Variants in ITGA2B observed in about 807,000 individuals in gnomAD.
ITGA2B encodes the protein integrin alpha-IIb.
A neutral mutation model predicts 142.0 loss-of-function variants in ITGA2B; 91 were observed. The observed-to-expected ratio is 0.64, with a 90% CI of 0.54 to 0.76. ITGA2B has a LOEUF of 0.76. Ranked by LOEUF, ITGA2B falls within the 30% of genes least tolerant of loss-of-function variation. The pLI is 0.00. For synonymous variants in ITGA2B, 536 were observed against 567.2 expected (o/e 0.94, Z 0.78); for missense variants, 1,231 against 1,350.8 (o/e 0.91, Z 1.39).
chr17:44,388,351 CTT>C (rs35720866), intron 1 of ITGA2B, among the ~76,000 whole-genome samples: 55 of 97,338 alleles, frequency 5.7e-4, no homozygotes, highest in African/African-American at 9.2e-4. Context: ...CATTTCCTTT[CTT>C]TTTTTTTTTT....
intron 18 of ITGA2B, 76 bp from the exon 19 acceptor site, chr17:44,378,786 C>T (rs2048568100): frequency 7.2e-7 from 1 of 1,386,606 alleles, no homozygotes; most frequent in African/African-American, 1.4e-5. Context: ...GTTAGGAAAA[C>T]AGTGGGCTTG....
chr17:44,376,033 G>A (rs370774794), intron 24 of ITGA2B, 48 bp from the exon 25 acceptor site: 20 of 1,613,942 alleles, frequency 1.2e-5, no homozygotes, highest in African/African-American at 8.0e-5. Context: ...CGCCTCACCC[G>A]GAGTTCTGAG....
chr17:44,374,715 C>G lies in ITGA2B; in HGVS notation c.2887G>C (p.Val963Leu). ...FVLQSHAWFN[V>L]SSLPYAVPPL... The stretch of plus-strand genomic sequence containing the variant: ...GGCACCGCATAGGGGAGGGAGGACA[C>G]GTTGAACCATGCGTGCGACTGCAGC... The change falls in exon 28 of 30, where the codon GTG (valine) becomes CTG (leucine). Residue 963 changes from valine to leucine, a missense_variant. Around this residue, in one of 3 missense-constraint regions of ITGA2B, gnomAD observed 908 missense variants for 1,021.1 expected, o/e 0.89. Coordinates refer to ENST00000262407, the MANE Select transcript of ITGA2B (RefSeq NM_000419.5). The G allele has an allele frequency of 6.2e-7, 1 of 1,614,108 alleles. No homozygotes were observed. Among genetic ancestry groups the G allele is most frequent in the East Asian group, 2.2e-5 (1 of 44,876 alleles).
At chr17:44,385,430 C>G (rs1432226709) in intron 4 of ITGA2B, 95 bp from the exon 5 acceptor site, 22 of 1,499,868 alleles carry the variant, frequency 1.5e-5, no homozygotes, top group Non-Finnish European at 1.9e-5. Flanking sequence ...GGCCTTGAGT[C>G]GGCGGGGCCC....
intron 18 of ITGA2B, among the ~76,000 whole-genome samples, chr17:44,379,175 T>C (rs1330550943): frequency 2.0e-5 from 3 of 151,374 alleles, no homozygotes; most frequent in East Asian, 1.9e-4. Context: ...AGGATGGTCT[T>C]GATCTCCTGA....
chr17:44,376,015 G>C, intron 24 of ITGA2B, 30 bp from the exon 25 acceptor site: 1 of 1,614,088 alleles, frequency 6.2e-7, no homozygotes, highest in Non-Finnish European at 8.5e-7. Flanking sequence ...AGGGTGTGGG[G>C]AGCTTAGCGC....
In ITGA2B at chr17:44,379,863, C is replaced by T. The variant is rs201800085; in HGVS notation, c.1753-49G>A. The T allele has an allele frequency of 3.1e-6, 5 of 1,613,280 alleles. No individual in the cohort carries two copies. In the East Asian group the frequency reaches 8.9e-5, roughly 29 times the overall value. ...CCATCTTGCTACCATACACATCCCA[C>T]CTTCTCCTGGCCAGTAGGCACCGTG... is the stretch of plus-strand genomic sequence containing the variant. On this transcript the variant is annotated intron_variant, in intron 17 of 29. Coordinates refer to ENST00000262407, the MANE Select transcript of ITGA2B (RefSeq NM_000419.5).
Position 44,385,296 on chromosome 17 carries a change from A to C in ITGA2B, c.614T>G (p.Val205Gly), listed in dbSNP as rs1468092307. The C allele has an allele frequency of 6.2e-7, 1 of 1,613,126 alleles. No individual in the cohort carries two copies. Among genetic ancestry groups the C allele is most frequent in the Non-Finnish European group, 8.5e-7 (1 of 1,179,978 alleles). ...TTGCTCCCTACTCGCCTGAGTGACC[A>C]CGGAGCTGAAGCCCGCTTCACAGTA... ...KRYCEAGFSSVVTQAGELVLG... is the reference protein window; with the variant it reads ...KRYCEAGFSSGVTQAGELVLG... Residue 205 changes from valine (V) to glycine (G), a missense_variant, in exon 5 of 30, where the codon GTG becomes GGG. This residue lies in a region of ITGA2B where 318 missense variants were observed against 312.2 expected (regional missense o/e 1.02). Transcript: ENST00000262407.
At chr17:44,374,975 C>G in intron 27 of ITGA2B, 23 bp downstream of exon 27, 1 of 1,505,344 alleles carries the variant, frequency 6.6e-7, no homozygotes, top group Non-Finnish European at 9.0e-7. Context: ...GGCCCGGCCC[C>G]GCCCCACCAC....
intron 8 of ITGA2B, 29 bp from the exon 9 acceptor site, chr17:44,384,383 A>C (rs377754455): frequency 6.2e-7 from 1 of 1,613,356 alleles, no homozygotes; most frequent in African/African-American, 1.3e-5. Context: ...AGGCTCAGGG[A>C]ATGAGAGCCT....
At position 44,387,186 on chromosome 17, in the gene ITGA2B, C is replaced by T. The variant is rs149078042; in HGVS notation, c.189-1055G>A. ...CTGATTCAGGCCCAATGACAGCATT[C>T]GCCAACACCCCACGAGCTTTGGAAC... On this transcript the variant is annotated intron_variant, in intron 1 of 29. Coordinates refer to ENST00000262407, the MANE Select transcript of ITGA2B (RefSeq NM_000419.5). Among the ~76,000 whole-genome samples, 328 of 152,248 alleles carry T rather than the reference C, an allele frequency of 2.2e-3. 1 individual carries two copies. Among genetic ancestry groups the T allele is most frequent in the African/African-American group, 7.5e-3 (313 of 41,550 alleles).
At chr17:44,385,472 CGGCGCTGGG>C in intron 4 of ITGA2B, 70 bp downstream of exon 4, 1 of 1,462,074 alleles carries the variant, frequency 6.8e-7, no homozygotes. Context: ...GCAAGGGCTG[CGGCGCTGGG>C]GGCGGGATCC....
intron 20 of ITGA2B, 101 bp from the exon 21 acceptor site, chr17:44,377,891 G>T (rs1173944307): frequency 2.8e-6 from 2 of 717,330 alleles, no homozygotes; most frequent in African/African-American, 1.8e-5. Context: ...AAGGTAGGGA[G>T]GGGGGGGTTT....
chr17:44,380,739 G>A, intron 13 of ITGA2B, 94 bp from the exon 14 acceptor site: 1 of 1,596,330 alleles, frequency 6.3e-7, no homozygotes, highest in African/African-American at 1.3e-5. Context: ...CTCCCCCACT[G>A]GAGGTTTCAC....
chr17:44,383,384 C>T, intron 12 of ITGA2B, 109 bp downstream of exon 12: 1 of 1,022,338 alleles, frequency 9.8e-7, no homozygotes, highest in East Asian at 2.6e-5. Flanking sequence ...AAGCCACATA[C>T]TTATATGCTT....
At position 44,385,826 on chromosome 17, in the gene ITGA2B, C is replaced by A. The variant is rs1395743817; in HGVS notation, c.406G>T (p.Val136Leu). 4 of 1,604,658 alleles carry A rather than the reference C, an allele frequency of 2.5e-6. No individual in the cohort carries two copies. ...GTGCCCTGTACCGCGGGGCCCACCA[C>A]AATGACGTCGCTCCAGCTGACGACC... ...ASVVSWSDVI[V>L]ACAPWQHWNV... Residue 136 changes from valine to leucine, a missense_variant and splice_region_variant, in exon 3 of 30, where the codon GTG becomes TTG. Val to Leu is a conservative substitution (Grantham distance 32, BLOSUM62 1). This residue lies in a region of ITGA2B where 318 missense variants were observed against 312.2 expected (regional missense o/e 1.02). Transcript: ENST00000262407.
rs1316178204 is a variant in ITGA2B at position 44,380,286 on chromosome 17, C to A, written c.1560G>T (p.Met520Ile). 1 of 1,614,130 alleles carries A rather than the reference C, an allele frequency of 6.2e-7. No individual in the cohort carries two copies. The highest frequency in any genetic ancestry group is 8.5e-7 in the Non-Finnish European group (1 of 1,180,054). ...KTPVSCFNIQMCVGATGHNIP... is the reference protein window; with the variant it reads ...KTPVSCFNIQICVGATGHNIP... ...TGTTGTGCCCAGTGGCTCCAACACA[C>A]ATCTGGATGTTGAAGCTGCAAAGAC... The change falls in exon 16 of 30, where the codon ATG becomes ATT. Residue 520 changes from methionine to isoleucine, a missense_variant. Met to Ile is a conservative substitution (Grantham distance 10). This residue lies in a region of ITGA2B where 908 missense variants were observed against 1,021.1 expected (regional missense o/e 0.89). Coordinates refer to ENST00000262407, the MANE Select transcript of ITGA2B (RefSeq NM_000419.5).
At chr17:44,377,663 G>A in intron 21 of ITGA2B, 35 bp downstream of exon 21, 1 of 588,026 alleles carries the variant, frequency 1.7e-6, no homozygotes. Flanking sequence ...ATGAGCCCCT[G>A]GTGGAGACCC....
At chr17:44,379,639 T>A in intron 18 of ITGA2B, 50 bp downstream of exon 18, 1 of 1,612,866 alleles carries the variant, frequency 6.2e-7, no homozygotes, top group Non-Finnish European at 8.5e-7. Context: ...TAATCCTGAT[T>A]TGCTATCAGG....
Sources: gnomAD v4.1 joint callset for allele counts (sites outside exome capture counted in the v4.1 genomes callset) on GRCh38, gnomAD v4.1.1 for gene constraint, gnomAD v4.1.1 regional missense constraint, MANE v1.5 for transcripts, NCBI Gene and HGNC (gene_info 2026-07-23, HGNC 2026-07-21) for gene names.